The following CLIC2 variants were observed in gnomAD, a reference collection of about 807,000 sequenced individuals.
The protein encoded by CLIC2 is CLIC family member 2, also known as chloride intracellular channel protein 2.
Under a neutral mutation model 14.8 loss-of-function variants are expected in CLIC2, and 9 were observed. That is an observed-to-expected ratio of 0.61 (90% confidence interval 0.37 to 1.06). CLIC2 has a LOEUF of 1.06. Ranked by LOEUF, CLIC2 falls within the 50% of genes least tolerant of loss-of-function variation. The pLI is 0.01. For synonymous variants in CLIC2, 61 were observed against 66.3 expected (o/e 0.92, Z 0.39); for missense variants, 148 against 181.4 (o/e 0.82, Z 1.06).
At chrX:155,302,110 G>A (rs2075021535) in intron 1 of CLIC2, among the ~76,000 whole-genome samples, 1 of 105,249 alleles carries the variant, frequency 9.5e-6, no homozygotes, top group Non-Finnish European at 2.0e-5. Context: ...AGTTAGGGAG[G>A]ATTCCCTCTT....
In CLIC2 at chrX:155,277,457, T is replaced by C. The variant is rs1177148610; in HGVS notation, c.*446A>G. The C allele has an allele frequency of 8.5e-6, 1 of 118,245 alleles. No homozygotes were observed. Among genetic ancestry groups the C allele is most frequent in the Admixed American group, 9.0e-5 (1 of 11,100 alleles). 9.7% of individuals were successfully genotyped at this position (118,245 alleles called of 1,213,427 possible). The stretch of plus-strand genomic sequence containing the variant: ...CTCTGATATGCTCACTCTCTGTATT[T>C]ATTATTTATATCAGAAATAAACTCA... On this transcript the variant is annotated 3_prime_UTR_variant, in exon 6 of 6. Coordinates refer to ENST00000369449, the MANE Select transcript of CLIC2 (RefSeq NM_001289.6).
At chrX:155,305,037 G>C (rs1234702842) in intron 1 of CLIC2, among the ~76,000 whole-genome samples, 2 of 111,863 alleles carry the variant, frequency 1.8e-5, no homozygotes, top group African/African-American at 3.2e-5. Flanking sequence ...CTTTTTGTTT[G>C]TCTATGCCCT....
At chrX:155,289,909 T>G (rs1405519695) in intron 3 of CLIC2, among the ~76,000 whole-genome samples, 4 of 112,323 alleles carry the variant, frequency 3.6e-5, no homozygotes, top group African/African-American at 1.3e-4. Flanking sequence ...ATAAGCAACT[T>G]CTGGCCTTTT....
chrX:155,316,656 A>ATATATTATATATATCC (rs1277956575), intron 1 of CLIC2, among the ~76,000 whole-genome samples: 1 of 110,031 alleles, frequency 9.1e-6, no homozygotes, highest in African/African-American at 3.3e-5. Flanking sequence ...CTAACAGGAT[A>ATATATTATATATATCC]TATATTATAT....
intron 3 of CLIC2, among the ~76,000 whole-genome samples, chrX:155,280,990 G>GATATATATATATATATATATATATATAT (rs373277985): frequency 1.1e-5 from 1 of 89,918 alleles, no homozygotes; most frequent in African/African-American, 4.1e-5. Flanking sequence ...GAAATTGTGA[G>GATATATATATATATATATATATATATAT]ATATATATAT....
Position 155,277,372 on chromosome X carries a change from C to G in CLIC2, c.*531G>C, listed in dbSNP as rs2074902367. On this transcript the variant is annotated 3_prime_UTR_variant, in exon 6 of 6. Coordinates refer to ENST00000369449, the MANE Select transcript of CLIC2 (RefSeq NM_001289.6). ...TAGGCGTCAAATGCTGTTCTATGAC[C>G]AATTGATCTTGAGCTCTTCCTAGAG... is the stretch of plus-strand genomic sequence containing the variant. The G allele has an allele frequency of 8.9e-6, 1 of 112,264 alleles. No individual in the cohort carries two copies. The highest frequency in any genetic ancestry group is 9.5e-5 in the Admixed American group (1 of 10,506). The allele number at this position is 112,264 out of a possible 1,213,427, so 9.3% of individuals were successfully genotyped here.
At chrX:155,292,880 A>T (rs1557317966) in intron 3 of CLIC2, 4 of 1,037,807 alleles carry the variant, frequency 3.9e-6, no homozygotes, top group Non-Finnish European at 5.4e-6. Context: ...ACTTGCAGAC[A>T]CGTTATCCAG....
chrX:155,329,793 C>A (rs1174862985), intron 1 of CLIC2, among the ~76,000 whole-genome samples: 2 of 110,747 alleles, frequency 1.8e-5, no homozygotes, highest in Non-Finnish European at 3.8e-5. Flanking sequence ...ACCTAAATAT[C>A]CCATCAACAG....
intron 3 of CLIC2, 33 bp downstream of exon 3, chrX:155,298,752 C>T (rs372701786): frequency 1.7e-6 from 2 of 1,202,366 alleles, no homozygotes; most frequent in African/African-American, 3.5e-5. Context: ...AATAGATTAT[C>T]TTCAGCAAAA....
intron 1 of CLIC2, among the ~76,000 whole-genome samples, chrX:155,331,054 T>C (rs1416019405): frequency 9.0e-6 from 1 of 111,052 alleles, no homozygotes; most frequent in African/African-American, 3.3e-5. Flanking sequence ...TTGATCTTTA[T>C]GATGGCAGGG....
At chrX:155,326,369 T>C (rs1027924560) in intron 1 of CLIC2, among the ~76,000 whole-genome samples, 15 of 111,717 alleles carry the variant, frequency 1.3e-4, no homozygotes, top group Non-Finnish European at 2.4e-4. Flanking sequence ...ATTAGCCTTT[T>C]GGGAAATGCA....
intron 3 of CLIC2, among the ~76,000 whole-genome samples, chrX:155,282,258 A>G (rs781990476): frequency 5.4e-5 from 6 of 111,683 alleles, no homozygotes; most frequent in Admixed American, 9.5e-5. Context: ...TGGACGCTCA[A>G]TTGTAACGTT....
intron 1 of CLIC2, among the ~76,000 whole-genome samples, chrX:155,300,262 T>C (rs1429217568): frequency 4.5e-5 from 5 of 110,562 alleles, no homozygotes; most frequent in Non-Finnish European, 7.6e-5. Context: ...TTTTAATGAT[T>C]GCCATTCTAA....
chrX:155,298,837 T>A lies in CLIC2; in HGVS notation c.241A>T (p.Thr81Ser), dbSNP rs782667135. 4 of 1,207,240 alleles carry A rather than the reference T, an allele frequency of 3.3e-6. No homozygotes were observed. In the African/African-American group the frequency reaches 7.0e-5, roughly 21 times the overall value. ...PFLVYNKELK[T>S]DFIKIEEFLE... is the part of the protein sequence containing the mutation. Reference sequence around the variant, plus strand: ...AACTCCTCAATTTTAATGAAGTCTGTTTTCAACTCCTTGTTATACACCAGG... The same window carrying A: ...AACTCCTCAATTTTAATGAAGTCTGATTTCAACTCCTTGTTATACACCAGG... Residue 81 changes from threonine to serine, a missense_variant, in exon 3 of 6, where the codon ACA (threonine) becomes TCA (serine). By Grantham distance (58) the Thr-to-Ser change is moderately conservative (BLOSUM62 1). Transcript: ENST00000369449.
intron 3 of CLIC2, among the ~76,000 whole-genome samples, chrX:155,297,884 A>AAAAG (rs1557318527): frequency 0.011 from 484 of 45,213 alleles, 107 homozygotes; most frequent in Non-Finnish European, 0.021. Flanking sequence ...AAAAAAAAAA[A>AAAAG]AAGAAGGTGA....
At chrX:155,327,165 T>TA in intron 1 of CLIC2, among the ~76,000 whole-genome samples, 1 of 111,635 alleles carries the variant, frequency 9.0e-6, no homozygotes, top group South Asian at 3.7e-4. Flanking sequence ...GCCTTAATTT[T>TA]AAAAAATTTT....
chrX:155,279,921 A>G, intron 4 of CLIC2, 41 bp downstream of exon 4: 2 of 926,447 alleles, frequency 2.2e-6, no homozygotes, highest in Non-Finnish European at 3.1e-6. Flanking sequence ...GAGAAGATGA[A>G]GAGTGAGAGA....
intron 3 of CLIC2, among the ~76,000 whole-genome samples, chrX:155,280,990 G>GATATATATATATATAT (rs373277985): frequency 0.01 from 898 of 89,766 alleles, 7 homozygotes; most frequent in African/African-American, 0.014. Context: ...GAAATTGTGA[G>GATATATATATATATAT]ATATATATAT....
chrX:155,290,952 G>A (rs2074962358), intron 3 of CLIC2: 2 of 710,252 alleles, frequency 2.8e-6, no homozygotes, highest in African/African-American at 4.2e-5. Flanking sequence ...GGCAGGGGAA[G>A]ATTGTGAGAG....
Sources: allele counts gnomAD v4.1 joint callset (sites outside exome capture counted in the v4.1 genomes callset), GRCh38; gene constraint gnomAD v4.1.1; transcripts MANE v1.5; gene names NCBI Gene and HGNC (gene_info 2026-07-23, HGNC 2026-07-21).